Variants in ADAM2 observed in about 807,000 individuals in gnomAD.
ADAM2 encodes ADAM metallopeptidase domain 2.
A neutral mutation model predicts 99.3 loss-of-function variants in ADAM2; 101 were observed. The ratio of observed to expected loss-of-function variants is 1.02; its 90% confidence interval spans 0.87 to 1.20. The LOEUF is 1.20. ADAM2 is among the 50% of genes most tolerant of loss of function. The pLI, the probability that ADAM2 is intolerant of heterozygous loss-of-function variation, is 0.00. For synonymous variants in ADAM2, 323 were observed against 287.6 expected (o/e 1.12, Z -1.25); for missense variants, 948 against 878.7 (o/e 1.08, Z -1.00).
intron 6 of ADAM2, among the ~76,000 whole-genome samples, chr8:39,820,606 C>A (rs1006343086): frequency 6.6e-6 from 1 of 152,130 alleles, no homozygotes; most frequent in Non-Finnish European, 1.5e-5. Flanking sequence ...ATGACCTCCC[C>A]TGAGGCAGTT....
chr8:39,793,614 CAA>C (rs1803810133), intron 7 of ADAM2, among the ~76,000 whole-genome samples: 1 of 152,022 alleles, frequency 6.6e-6, no homozygotes, highest in Non-Finnish European at 1.5e-5. Flanking sequence ...GATAAGAACT[CAA>C]AGTCTTTTGC....
In ADAM2 at chr8:39,744,838, C is replaced by G. The variant is rs377355710; in HGVS notation, c.*22G>C. On this transcript the variant is annotated 3_prime_UTR_variant, in exon 20 of 21. Coordinates refer to ENST00000265708, the MANE Select transcript of ADAM2 (RefSeq NM_001464.5). Reference sequence around the variant, plus strand: ...AAATGAAAGAAACTCACAGTGATATCATGGCATCTCTGTTGTCCAGACTAC... The same window carrying G: ...AAATGAAAGAAACTCACAGTGATATGATGGCATCTCTGTTGTCCAGACTAC... 1 of 1,585,220 alleles carries G rather than the reference C, an allele frequency of 6.3e-7. No homozygotes were observed. The highest frequency in any genetic ancestry group is 1.4e-5 in the African/African-American group (1 of 73,450).
At chr8:39,763,484 G>T (rs1343785344) in intron 14 of ADAM2, among the ~76,000 whole-genome samples, 3 of 152,188 alleles carry the variant, frequency 2.0e-5, no homozygotes, top group Non-Finnish European at 2.9e-5. Flanking sequence ...AGTAAAAAAG[G>T]CACCCTTGGG....
intron 13 of ADAM2, 44 bp from the exon 14 acceptor site, chr8:39,767,087 A>C (rs377357533): frequency 4.4e-6 from 7 of 1,600,022 alleles, no homozygotes; most frequent in Admixed American, 1.7e-5. Flanking sequence ...CAGAATGAGA[A>C]TACATAAGCA....
At chr8:39,772,018 T>C (rs1479356076) in intron 11 of ADAM2, among the ~76,000 whole-genome samples, 3 of 150,702 alleles carry the variant, frequency 2.0e-5, no homozygotes, top group Admixed American at 6.6e-5. Flanking sequence ...AAATGGTGCA[T>C]GTATACATAT....
In ADAM2 at chr8:39,750,695, A is replaced by G. The variant is rs528607153; in HGVS notation, c.1798-951T>C. Reference sequence around the variant, plus strand: ...GCTGAGTTGGAGTAATATGCATAGTAAAAAGAGATGGGTGAATGACACCAA... The same window carrying G: ...GCTGAGTTGGAGTAATATGCATAGTGAAAAGAGATGGGTGAATGACACCAA... On this transcript the variant is annotated intron_variant, in intron 16 of 20. Transcript: ENST00000265708. 3.9e-5 allele frequency among the ~76,000 whole-genome samples: 6 copies of G among 152,246 alleles called. No individual in the cohort carries two copies. In the East Asian group the frequency reaches 9.6e-4, roughly 24 times the overall value.
chr8:39,832,609 T>TG (rs2129589280), intron 3 of ADAM2, among the ~76,000 whole-genome samples: 2 of 152,364 alleles, frequency 1.3e-5, no homozygotes, highest in African/African-American at 4.8e-5. Context: ...ATTGATATTT[T>TG]ACAATAACGT....
intron 11 of ADAM2, among the ~76,000 whole-genome samples, chr8:39,773,042 A>G (rs1480635899): frequency 6.6e-6 from 1 of 151,876 alleles, no homozygotes; most frequent in Non-Finnish European, 1.5e-5. Context: ...AAAACTAAAC[A>G]CAATTATTAA....
At chr8:39,803,359 A>G (rs1319826957) in intron 7 of ADAM2, among the ~76,000 whole-genome samples, 3 of 152,194 alleles carry the variant, frequency 2.0e-5, no homozygotes, top group African/African-American at 4.8e-5. Flanking sequence ...GGAAAACATG[A>G]TAGCCAAATC....
chr8:39,767,094 A>G, intron 13 of ADAM2, 51 bp from the exon 14 acceptor site: 1 of 1,600,302 alleles, frequency 6.2e-7, no homozygotes, highest in African/African-American at 1.3e-5. Flanking sequence ...AGAATACATA[A>G]GCATAATAAT....
intron 11 of ADAM2, among the ~76,000 whole-genome samples, chr8:39,774,115 T>A (rs2129584497): frequency 6.6e-6 from 1 of 152,102 alleles, no homozygotes; most frequent in South Asian, 2.1e-4. Context: ...TCTCAATATT[T>A]GATAAAATAT....
In ADAM2 at chr8:39,766,889, C is replaced by T; in HGVS notation, c.1466G>A (p.Cys489Tyr). The T allele has an allele frequency of 1.2e-6, 2 of 1,611,958 alleles. No homozygotes were observed. Among genetic ancestry groups the T allele is most frequent in the Non-Finnish European group, 1.7e-6 (2 of 1,178,452 alleles). Residue 489 changes from cysteine (C) to tyrosine (Y), a missense_variant, in exon 14 of 21, where the codon TGT becomes TAT. By Grantham distance (194) the Cys-to-Tyr change is radical. Transcript: ENST00000265708. ...TGTACATTGTTTATCCCCACTCATA[C>T]AAACTCCATCTATACAGATCCATTG... ...LNQWICIDGV[C>Y]MSGDKQCTDT... is the part of the protein sequence containing the mutation.
intron 7 of ADAM2, among the ~76,000 whole-genome samples, chr8:39,802,274 G>T (rs1804248755): frequency 6.6e-6 from 1 of 152,134 alleles, no homozygotes; most frequent in South Asian, 2.1e-4. Context: ...ACACCACACT[G>T]CTCTTCCTTC....
intron 7 of ADAM2, among the ~76,000 whole-genome samples, chr8:39,790,524 AAAGT>A (rs747154411): frequency 1.3e-5 from 2 of 151,968 alleles, no homozygotes; most frequent in Non-Finnish European, 2.9e-5. Flanking sequence ...GTGGTACAGG[AAAGT>A]AAGGGCAGAG....
intron 6 of ADAM2, 81 bp downstream of exon 6, chr8:39,820,921 A>T: frequency 1.1e-6 from 1 of 891,828 alleles, no homozygotes; most frequent in Non-Finnish European, 1.7e-6. Flanking sequence ...GTGTGTAAAT[A>T]TGTAATTTAT....
intron 7 of ADAM2, among the ~76,000 whole-genome samples, chr8:39,789,138 C>A (rs1452113960): frequency 6.6e-6 from 1 of 151,474 alleles, no homozygotes; most frequent in African/African-American, 2.4e-5. Flanking sequence ...ATATACCATA[C>A]AAACATCACT....
chr8:39,813,268 C>A (rs1256122655), intron 6 of ADAM2, among the ~76,000 whole-genome samples: 1 of 152,132 alleles, frequency 6.6e-6, no homozygotes, highest in Non-Finnish European at 1.5e-5. Context: ...AATCAGGAAA[C>A]AACAGGTGCT....
intron 20 of ADAM2, among the ~76,000 whole-genome samples, chr8:39,744,544 A>G (rs1314958216): frequency 2.0e-5 from 3 of 152,056 alleles, no homozygotes; most frequent in Non-Finnish European, 4.4e-5. Context: ...ACATAAAACC[A>G]AACACCGCAT....
chr8:39,785,583 G>T (rs1803432933), intron 10 of ADAM2, among the ~76,000 whole-genome samples: 1 of 152,144 alleles, frequency 6.6e-6, no homozygotes, highest in Non-Finnish European at 1.5e-5. Flanking sequence ...ATCACATGAG[G>T]TCAGGAGTTC....
Sources: gnomAD v4.1 joint callset for allele counts (sites outside exome capture counted in the v4.1 genomes callset) on GRCh38, gnomAD v4.1.1 for gene constraint, MANE v1.5 for transcripts, NCBI Gene and HGNC (gene_info 2026-07-23, HGNC 2026-07-21) for gene names.